Variants in SLC35E4 observed in about 807,000 individuals in gnomAD.
SLC35E4 encodes solute carrier family 35, member E4.
Under a neutral mutation model 19.3 loss-of-function variants are expected in SLC35E4, and 15 were observed. The observed-to-expected ratio is 0.78, with a 90% CI of 0.52 to 1.20. The LOEUF (loss-of-function observed/expected upper bound fraction) is 1.20, where lower values mean the gene tolerates loss of function less well. Among genes scored for constraint, SLC35E4 ranks in the 50% most tolerant of loss-of-function variants. SLC35E4 has a pLI of 0.00. For synonymous variants in SLC35E4, 219 were observed against 219.9 expected, an observed-to-expected ratio of 1.00 and a Z score of 0.04; for missense variants, 406 against 472.3, an observed-to-expected ratio of 0.86 and a Z score of 1.30.
intron 1 of SLC35E4, among the ~76,000 whole-genome samples, chr22:30,641,199 C>T (rs2088029974): frequency 6.6e-6 from 1 of 152,232 alleles, no homozygotes; most frequent in South Asian, 2.1e-4. Context: ...CACACTGGGA[C>T]CCAGGCAGCC....
At chr22:30,657,306 C>CACACAA (rs1327783231) in intron 2 of SLC35E4, among the ~76,000 whole-genome samples, 2 of 112,450 alleles carry the variant, frequency 1.8e-5, no homozygotes, top group African/African-American at 5.4e-5. Context: ...CACACACACA[C>CACACAA]AAATTAGCCG....
chr22:30,651,389 G>T (rs2088209116), downstream of SLC35E4, among the ~76,000 whole-genome samples: 23 of 30,676 alleles, frequency 7.5e-4, 1 homozygote, highest in East Asian at 0.014. Flanking sequence ...GTGTGTGTGT[G>T]TGTGTGTGTG....
downstream of SLC35E4, chr22:30,664,096 G>T: frequency 4.0e-6 from 5 of 1,242,284 alleles, no homozygotes; most frequent in Admixed American, 2.3e-5. Flanking sequence ...GAGAGGGAGA[G>T]GATGTTTAGA....
chr22:30,645,012 CAG>C (rs966489509), intron 1 of SLC35E4, among the ~76,000 whole-genome samples: 7 of 152,170 alleles, frequency 4.6e-5, no homozygotes, highest in African/African-American at 1.7e-4. Context: ...CAGTTATAAA[CAG>C]TGAGTGAGAG....
At chr22:30,657,272 TAA>T (rs758981579) in intron 2 of SLC35E4, among the ~76,000 whole-genome samples, 930 of 63,374 alleles carry the variant, frequency 0.015, 9 homozygotes, top group Middle Eastern at 0.042. Context: ...CTGTCTCTAC[TAA>T]AAACACACAC....
chr22:30,658,023 T>C (rs182218075), intron 2 of SLC35E4, among the ~76,000 whole-genome samples: 5 of 151,622 alleles, frequency 3.3e-5, no homozygotes, highest in South Asian at 4.2e-4. Context: ...AAGAGGATCA[T>C]TGGAGGCTGG....
At chr22:30,652,630 C>T (rs945761511), downstream of SLC35E4, among the ~76,000 whole-genome samples, 2 of 152,174 alleles carry the variant, frequency 1.3e-5, no homozygotes, top group African/African-American at 4.8e-5. Context: ...TTTGCAAAGG[C>T]GGCTTCAGAT....
At chr22:30,641,569 A>T (rs1262436910) in intron 1 of SLC35E4, among the ~76,000 whole-genome samples, 1 of 150,616 alleles carries the variant, frequency 6.6e-6, no homozygotes, top group Non-Finnish European at 1.5e-5. Flanking sequence ...TTTTTTTGAG[A>T]CAATCTCTCT....
chr22:30,663,420 G>A (rs1230588462), downstream of SLC35E4: 1 of 1,593,608 alleles, frequency 6.3e-7, no homozygotes, highest in African/African-American at 1.3e-5. Flanking sequence ...CTCCAATGCA[G>A]GGGCTCGTGG....
At chr22:30,640,952 G>C (rs2088026827) in intron 1 of SLC35E4, among the ~76,000 whole-genome samples, 1 of 152,204 alleles carries the variant, frequency 6.6e-6, no homozygotes, top group Non-Finnish European at 1.5e-5. Flanking sequence ...GGCGTATTCA[G>C]AGCTGACACA....
At chr22:30,663,316 T>C (rs2088533044), downstream of SLC35E4, 1 of 989,096 alleles carries the variant, frequency 1.0e-6, no homozygotes. Context: ...TTTGTGCTCA[T>C]AAAAGGCATC....
intron 2 of SLC35E4, among the ~76,000 whole-genome samples, chr22:30,653,083 C>A (rs5994329): frequency 0.19 from 29,147 of 152,124 alleles, 3,551 homozygotes; most frequent in African/African-American, 0.33. Context: ...CCTCCCTAAC[C>A]AAGTATTGCA....
Position 30,636,663 on chromosome 22 carries a change from C to A in SLC35E4, c.213C>A (p.Phe71Leu). The change falls in exon 1 of 2, where the codon TTC becomes TTA. Residue 71 changes from phenylalanine to leucine, a missense_variant. Phe to Leu is a conservative substitution (Grantham distance 22, BLOSUM62 0). Transcript: ENST00000343605. ...ASMSSLNKWIFTVHGFGRPLL... is the reference protein window; with the variant it reads ...ASMSSLNKWILTVHGFGRPLL... Reference sequence around the variant, plus strand: ...TGTCAAGCCTCAACAAGTGGATCTTCACAGTGCACGGCTTTGGGCGGCCCC... The same window carrying A: ...TGTCAAGCCTCAACAAGTGGATCTTAACAGTGCACGGCTTTGGGCGGCCCC... 2 of 1,612,258 alleles carry A rather than the reference C, an allele frequency of 1.2e-6. No individual in the cohort carries two copies. The highest frequency in any genetic ancestry group is 1.7e-6 in the Non-Finnish European group (2 of 1,179,388).
At position 30,647,213 on chromosome 22, in the gene SLC35E4, C is replaced by A. The variant is rs779024957; in HGVS notation, c.*182C>A. 1.8e-5 allele frequency: 13 copies of A among 705,648 alleles called. No individual in the cohort carries two copies. The highest frequency in any genetic ancestry group is 2.7e-5 in the Non-Finnish European group (12 of 440,360). The allele number at this position is 705,648 out of a possible 1,614,324, so 43.7% of individuals were successfully genotyped here. ...AGGAGTTCGAGACCAGCCTGGCTAACATGGCAAAACCTCATCTCTACTAAA... is the reference window on the plus strand; with the variant it reads ...AGGAGTTCGAGACCAGCCTGGCTAAAATGGCAAAACCTCATCTCTACTAAA... On this transcript the variant is annotated 3_prime_UTR_variant, in exon 2 of 2. Transcript: ENST00000343605.
At chr22:30,658,200 C>T (rs2145598879) in intron 2 of SLC35E4, among the ~76,000 whole-genome samples, 1 of 151,566 alleles carries the variant, frequency 6.6e-6, no homozygotes, top group East Asian at 2.0e-4. Flanking sequence ...CCACTGGCTG[C>T]AACTAAAAGC....
chr22:30,663,856 T>C (rs2088561278), downstream of SLC35E4: 6 of 1,614,090 alleles, frequency 3.7e-6, no homozygotes, highest in Non-Finnish European at 5.1e-6. Context: ...GAGACATTGA[T>C]GACCATGGTG....
At chr22:30,652,297 G>T (rs982443904), downstream of SLC35E4, 5 of 152,208 alleles carry the variant, frequency 3.3e-5, no homozygotes, top group Non-Finnish European at 7.3e-5. Flanking sequence ...AAGGGCAGGG[G>T]CTGCAAAATA....
chr22:30,663,989 C>T (rs755797214), downstream of SLC35E4: 14 of 1,613,032 alleles, frequency 8.7e-6, no homozygotes, highest in Non-Finnish European at 1.2e-5. Flanking sequence ...GGAAGGCACA[C>T]GAGGGTGCTG....
intron 1 of SLC35E4, among the ~76,000 whole-genome samples, chr22:30,646,297 T>C (rs1432121825): frequency 6.6e-6 from 1 of 152,222 alleles, no homozygotes; most frequent in Non-Finnish European, 1.5e-5. Context: ...TCTTTTAAAA[T>C]GTTTACAACA....
Sources: allele counts gnomAD v4.1 joint callset (sites outside exome capture counted in the v4.1 genomes callset), GRCh38; gene constraint gnomAD v4.1.1; transcripts MANE v1.5; gene names NCBI Gene and HGNC (gene_info 2026-07-23, HGNC 2026-07-21).